Variants in CCDC171 observed in about 807,000 individuals in gnomAD.
The protein encoded by CCDC171 is coiled-coil domain containing 171.
A neutral mutation model predicts 168.2 loss-of-function variants in CCDC171; 177 were observed. The observed-to-expected ratio is 1.05, with a 90% CI of 0.93 to 1.19. The LOEUF (loss-of-function observed/expected upper bound fraction) is 1.19. Among genes scored for constraint, CCDC171 ranks in the 50% most tolerant of loss-of-function variants. The pLI, the probability that CCDC171 is intolerant of heterozygous loss-of-function variation, is 0.00. For synonymous variants in CCDC171, 687 were observed against 540.8 expected (o/e 1.27, Z -3.75); for missense variants, 1,991 against 1,539.0 (o/e 1.29, Z -4.91).
rs565254027 is a variant in CCDC171 at position 15,722,438 on chromosome 9, A to G, written c.1425+563A>G. On this transcript the variant is annotated intron_variant, in intron 12 of 25. Transcript: ENST00000380701. Reference sequence around the variant, plus strand: ...AGCTCATGCTTCTATTTATCATCCCATTTGTATTGTTTAATGTGTGGGTTG... The same window carrying G: ...AGCTCATGCTTCTATTTATCATCCCGTTTGTATTGTTTAATGTGTGGGTTG... Among the ~76,000 whole-genome samples the G allele has an allele frequency of 2.6e-5, 4 of 152,278 alleles. No homozygotes were observed. In the South Asian group the frequency reaches 8.3e-4, roughly 32 times the overall value.
chr9:15,988,231 T>A (rs1031769207), intron 3 of CCDC171, among the ~76,000 whole-genome samples: 2 of 152,194 alleles, frequency 1.3e-5, no homozygotes, highest in African/African-American at 4.8e-5. Flanking sequence ...TATGAAGCTA[T>A]GATGCTGTGT....
chr9:15,779,361 C>G (rs2057533016), intron 20 of CCDC171, among the ~76,000 whole-genome samples: 1 of 151,782 alleles, frequency 6.6e-6, no homozygotes, highest in Non-Finnish European at 1.5e-5. Flanking sequence ...GAGAGATTTC[C>G]TCTCTTCTTT....
the CCDC171 span, among the ~76,000 whole-genome samples, chr9:16,067,807 G>A: frequency 7.4e-4 from 113 of 152,252 alleles, no homozygotes; most frequent in African/African-American, 2.3e-3. Flanking sequence ...GTTCTGTTCT[G>A]TTCCATTGAT....
intron 6 of CCDC171, among the ~76,000 whole-genome samples, chr9:15,601,559 C>T (rs1209739908): frequency 6.6e-6 from 1 of 152,144 alleles, no homozygotes; most frequent in Non-Finnish European, 1.5e-5. Flanking sequence ...TGAGTTACTG[C>T]TCTGGATACT....
chr9:15,850,644 T>A (rs1214166645), intron 23 of CCDC171, among the ~76,000 whole-genome samples: 1 of 152,030 alleles, frequency 6.6e-6, no homozygotes, highest in African/African-American at 2.4e-5. Context: ...TAATTGGGGA[T>A]AATTCTGTTT....
intron 24 of CCDC171, among the ~76,000 whole-genome samples, chr9:15,916,460 C>T (rs1039311958): frequency 8.6e-5 from 13 of 151,726 alleles, no homozygotes; most frequent in African/African-American, 2.7e-4. Flanking sequence ...GAATTAAAGT[C>T]GAAGTGATAG....
chr9:15,624,643 C>G (rs1167606002), intron 7 of CCDC171, among the ~76,000 whole-genome samples: 1 of 152,166 alleles, frequency 6.6e-6, no homozygotes, highest in Non-Finnish European at 1.5e-5. Context: ...GACATAAACT[C>G]ATCATTTTTT....
rs74911188 is a variant in CCDC171 at position 16,013,600 on chromosome 9, G to A, written n.369-6989G>A. 5.5e-4 allele frequency among the ~76,000 whole-genome samples: 83 copies of A among 152,248 alleles called. No individual in the cohort carries two copies. The East Asian group carries it at 0.011, about 19-fold the overall frequency. Reference sequence around the variant, plus strand: ...GCAAATTATTTGCCCTCTCTGACCCGTACCTACCTTTCTCATCTCTAACTT... The same window carrying A: ...GCAAATTATTTGCCCTCTCTGACCCATACCTACCTTTCTCATCTCTAACTT... On this transcript the variant is annotated intron_variant and non_coding_transcript_variant, in intron 3 of 9. Coordinates refer to the CCDC171 transcript ENST00000486641.
the CCDC171 span, among the ~76,000 whole-genome samples, chr9:16,078,322 G>A: frequency 2.4e-4 from 36 of 152,300 alleles, no homozygotes; most frequent in African/African-American, 7.9e-4. Context: ...GCTGAGGCAC[G>A]GCAGGGAGAA....
At chr9:15,644,082 T>C (rs1187977576) in intron 7 of CCDC171, among the ~76,000 whole-genome samples, 1 of 152,234 alleles carries the variant, frequency 6.6e-6, no homozygotes, top group Non-Finnish European at 1.5e-5. Context: ...CTTGGGCAAA[T>C]ATATAGGAAT....
chr9:15,766,846 A>C (rs2056750469), intron 18 of CCDC171, among the ~76,000 whole-genome samples: 1 of 152,026 alleles, frequency 6.6e-6, no homozygotes, highest in Admixed American at 6.6e-5. Context: ...TTTTTTGTAG[A>C]GATGGGAGTC....
chr9:15,812,616 AAAG>A (rs2059404509), intron 21 of CCDC171, among the ~76,000 whole-genome samples: 1 of 152,226 alleles, frequency 6.6e-6, no homozygotes, highest in African/African-American at 2.4e-5. Flanking sequence ...GATAAAGGAT[AAAG>A]AAGAACCTCC....
At chr9:15,795,106 C>T (rs567190475) in intron 21 of CCDC171, among the ~76,000 whole-genome samples, 2 of 152,130 alleles carry the variant, frequency 1.3e-5, no homozygotes, top group African/African-American at 2.4e-5. Flanking sequence ...TGGAGGCTGG[C>T]ACCAATATCA....
intron 1 of CCDC171, among the ~76,000 whole-genome samples, chr9:16,045,138 A>C (rs111735331): frequency 0.011 from 1,661 of 152,312 alleles, 21 homozygotes; most frequent in Non-Finnish European, 0.017. Context: ...TCAGACCAGA[A>C]ATAGCCCAAT....
intron 7 of CCDC171, among the ~76,000 whole-genome samples, chr9:15,642,091 G>T (rs978803378): frequency 6.6e-6 from 1 of 151,940 alleles, no homozygotes; most frequent in Non-Finnish European, 1.5e-5. Context: ...TTGAAACCAG[G>T]AGGTGGTTGC....
At chr9:15,663,298 A>G (rs1406187050) in intron 8 of CCDC171, among the ~76,000 whole-genome samples, 2 of 151,928 alleles carry the variant, frequency 1.3e-5, no homozygotes, top group East Asian at 3.9e-4. Flanking sequence ...TTTTTTTTCT[A>G]TCCCCACCCC....
At chr9:15,706,596 T>C (rs1366298642) in intron 11 of CCDC171, among the ~76,000 whole-genome samples, 1 of 152,178 alleles carries the variant, frequency 6.6e-6, no homozygotes, top group East Asian at 1.9e-4. Context: ...CCCCATGTAG[T>C]ATTTTTGCTG....
chr9:15,585,850 C>T (rs141976099), intron 4 of CCDC171, among the ~76,000 whole-genome samples: 89 of 152,084 alleles, frequency 5.9e-4, no homozygotes, highest in African/African-American at 2.0e-3. Flanking sequence ...GTAGTGCACG[C>T]CTGTAATTTC....
intron 11 of CCDC171, among the ~76,000 whole-genome samples, chr9:15,696,461 C>G (rs2051223974): frequency 6.6e-6 from 1 of 152,112 alleles, no homozygotes; most frequent in African/African-American, 2.4e-5. Flanking sequence ...AATTTGTTAT[C>G]ATGGACAAAT....
Sources: allele counts gnomAD v4.1 joint callset (sites outside exome capture counted in the v4.1 genomes callset), GRCh38; gene constraint gnomAD v4.1.1; transcripts MANE v1.5; gene names NCBI Gene and HGNC (gene_info 2026-07-23, HGNC 2026-07-21).